Variants in UBE2H observed in about 807,000 individuals in gnomAD.
UBE2H encodes ubiquitin-conjugating enzyme E2 H.
A neutral mutation model predicts 29.0 loss-of-function variants in UBE2H; 3 were observed. That is an observed-to-expected ratio of 0.10 (90% CI 0.05 to 0.27). UBE2H has a LOEUF of 0.27. UBE2H is among the 10% of genes least tolerant of loss of function. UBE2H has a pLI of 1.00. For missense variants in UBE2H, 68 were observed against 228.2 expected, an observed-to-expected ratio of 0.30 and a Z score of 4.52; for synonymous variants, 69 against 82.9, an observed-to-expected ratio of 0.83 and a Z score of 0.91.
At chr7:129,891,004 C>T (rs1019739085) in intron 1 of UBE2H, among the ~76,000 whole-genome samples, 1 of 151,500 alleles carries the variant, frequency 6.6e-6, no homozygotes, top group African/African-American at 2.4e-5. Context: ...GGCGTGGTGG[C>T]GGGCGCTTGT....
rs554132806 is a variant in UBE2H, at chr7:129,913,870, T to A, written c.54-32899A>T. On this transcript the variant is annotated intron_variant, in intron 1 of 6. Coordinates refer to ENST00000355621, the MANE Select transcript of UBE2H (RefSeq NM_003344.4). The stretch of plus-strand genomic sequence containing the variant: ...GTAGGGAGCGGGTGACAGAACCAAG[T>A]CTGACCTCAGAGGCTCTGTACTTAA... 3.4e-4 allele frequency among the ~76,000 whole-genome samples: 51 copies of A among 152,226 alleles called. 2 individuals carry two copies. Among genetic ancestry groups the A allele is most frequent in the Admixed American group, 1.6e-3 (25 of 15,262 alleles).
intron 1 of UBE2H, among the ~76,000 whole-genome samples, chr7:129,932,374 C>T (rs1198010713): frequency 2.0e-5 from 3 of 151,558 alleles, no homozygotes; most frequent in African/African-American, 4.8e-5. Context: ...CCACCCACCT[C>T]GGCCTCCCAA....
chr7:129,918,659 CA>C (rs1183677033), intron 1 of UBE2H, among the ~76,000 whole-genome samples: 5 of 152,178 alleles, frequency 3.3e-5, no homozygotes, highest in African/African-American at 1.2e-4. Context: ...CAATAAAAAA[CA>C]CCTGTGAAGA....
At chr7:129,940,232 A>G (rs1807614401) in intron 1 of UBE2H, among the ~76,000 whole-genome samples, 1 of 152,236 alleles carries the variant, frequency 6.6e-6, no homozygotes, top group Non-Finnish European at 1.5e-5. Flanking sequence ...AAGGAAATGC[A>G]TAATTCACAA....
At chr7:129,879,389 C>T (rs538245423) in intron 3 of UBE2H, among the ~76,000 whole-genome samples, 179 bp downstream of exon 3, 4 of 152,284 alleles carry the variant, frequency 2.6e-5, no homozygotes, top group Admixed American at 2.0e-4. Flanking sequence ...TATATTTAAA[C>T]GTCTTCTAAC....
At chr7:129,916,644 G>A (rs141332982) in intron 1 of UBE2H, among the ~76,000 whole-genome samples, 6 of 152,202 alleles carry the variant, frequency 3.9e-5, no homozygotes, top group South Asian at 4.1e-4. Flanking sequence ...AGAAATAGAC[G>A]CAAAGCCTCA....
At chr7:129,868,011 C>G (rs1805949164) in intron 3 of UBE2H, among the ~76,000 whole-genome samples, 1 of 152,110 alleles carries the variant, frequency 6.6e-6, no homozygotes, top group South Asian at 2.1e-4. Context: ...AAACTGTGAA[C>G]AGGTTTCTAA....
chr7:129,834,691 A>AT lies in UBE2H; in HGVS notation c.*245dup. On this transcript the variant is annotated 3_prime_UTR_variant, in exon 7 of 7. Transcript: ENST00000355621. ...CTGACTTGGCCACATGGACTCATGA[A>AT]TGCATGCATTCAGACCGCATATTGC... 2.7e-6 allele frequency: 1 copy of AT among 372,500 alleles called. No homozygotes were observed. Among genetic ancestry groups the AT allele is most frequent in the Non-Finnish European group, 4.8e-6 (1 of 209,160 alleles). The allele number at this position is 372,500 out of a possible 1,614,324, so 23.1% of individuals were successfully genotyped here. A position where few individuals can be genotyped will look rare whatever the true frequency, so the allele number is the denominator to read the frequency against.
chr7:129,911,181 G>A lies in UBE2H; in HGVS notation c.54-30210C>T, dbSNP rs151259902. Among the ~76,000 whole-genome samples the A allele has an allele frequency of 3.9e-5, 6 of 152,074 alleles. No homozygotes were observed. The East Asian group carries it at 9.7e-4, about 25-fold the overall frequency. On this transcript the variant is annotated intron_variant, in intron 1 of 6. Transcript: ENST00000355621. The stretch of plus-strand genomic sequence containing the variant: ...AAAATGAGACCATCCTGGCTAACAC[G>A]GTGGAACCCTGTCTCTACTAAAAAT...
At chr7:129,857,910 C>T (rs1805734701) in intron 4 of UBE2H, among the ~76,000 whole-genome samples, 1 of 152,124 alleles carries the variant, frequency 6.6e-6, no homozygotes, top group Non-Finnish European at 1.5e-5. Context: ...TGTGTTCATG[C>T]CCTGAATCTA....
Position 129,915,108 on chromosome 7 carries a change from C to A in UBE2H, c.54-34137G>T, listed in dbSNP as rs112694230. On this transcript the variant is annotated intron_variant, in intron 1 of 6. Transcript: ENST00000355621. ...CTTTAGGGGAAACAATGTCTTTCCC[C>A]GAGGCTGTGAAATTAACTTTCACAG... Among the ~76,000 whole-genome samples the A allele has an allele frequency of 6.9e-3, 1,047 of 152,174 alleles. 10 individuals carry two copies. The highest frequency in any genetic ancestry group is 0.024 in the African/African-American group (1,011 of 41,504).
intron 1 of UBE2H, among the ~76,000 whole-genome samples, chr7:129,883,273 T>C (rs1319897546): frequency 1.3e-5 from 2 of 152,222 alleles, no homozygotes; most frequent in African/African-American, 2.4e-5. Flanking sequence ...TTTTTAAAAA[T>C]AGACACTGCT....
At chr7:129,901,576 G>A (rs1806717592) in intron 1 of UBE2H, among the ~76,000 whole-genome samples, 2 of 152,088 alleles carry the variant, frequency 1.3e-5, no homozygotes, top group South Asian at 4.1e-4. Context: ...AAAGACTCAA[G>A]AATATCTGAT....
chr7:129,874,989 T>C (rs1806118897), intron 3 of UBE2H, among the ~76,000 whole-genome samples: 1 of 152,170 alleles, frequency 6.6e-6, no homozygotes, highest in African/African-American at 2.4e-5. Context: ...AACACGTGGG[T>C]TAGGCAGGTC....
chr7:129,917,064 G>A (rs1308793752), intron 1 of UBE2H, among the ~76,000 whole-genome samples: 5 of 151,410 alleles, frequency 3.3e-5, no homozygotes, highest in African/African-American at 1.2e-4. Flanking sequence ...ACACAGCTGG[G>A]CATGGTGGCA....
At chr7:129,851,996 C>T (rs528787343) in intron 5 of UBE2H, among the ~76,000 whole-genome samples, 1 of 152,180 alleles carries the variant, frequency 6.6e-6, no homozygotes, top group Non-Finnish European at 1.5e-5. Context: ...CTCTACTTGG[C>T]CTCTATCTAC....
intron 1 of UBE2H, among the ~76,000 whole-genome samples, chr7:129,934,945 A>G (rs13228286): frequency 0.31 from 28,587 of 91,186 alleles, 3,117 homozygotes; most frequent in African/African-American, 0.41. Flanking sequence ...ATATATATAT[A>G]TGTGTGTGTG....
chr7:129,917,102 G>T (rs1316131184), intron 1 of UBE2H, among the ~76,000 whole-genome samples: 1 of 151,760 alleles, frequency 6.6e-6, no homozygotes, highest in Non-Finnish European at 1.5e-5. Context: ...CTACTGGCAG[G>T]AGAATTGCTT....
At position 129,878,163 on chromosome 7, in the gene UBE2H, G is replaced by C. The variant is rs148958306; in HGVS notation, c.205+1405C>G. 2.0e-5 allele frequency among the ~76,000 whole-genome samples: 3 copies of C among 152,264 alleles called. No individual in the cohort carries two copies. In the East Asian group the frequency reaches 5.8e-4, roughly 29 times the overall value. ...AGAAAAGCCCTCTCAAAAGGAGAAGGTGTACAGGCGTATACGTTTCTACAC... is the reference window on the plus strand; with the variant it reads ...AGAAAAGCCCTCTCAAAAGGAGAAGCTGTACAGGCGTATACGTTTCTACAC... On this transcript the variant is annotated intron_variant, in intron 3 of 6. Transcript: ENST00000355621.
Sources: gnomAD v4.1 joint callset for allele counts (sites outside exome capture counted in the v4.1 genomes callset) on GRCh38, gnomAD v4.1.1 for gene constraint, MANE v1.5 for transcripts, NCBI Gene and HGNC (gene_info 2026-07-23, HGNC 2026-07-21) for gene names.